The following CCDC102B variants were observed in gnomAD, a reference collection of about 807,000 sequenced individuals.
CCDC102B encodes coiled-coil domain containing 102B.
Under a neutral mutation model 57.4 loss-of-function variants are expected in CCDC102B, and 75 were observed. The ratio of observed to expected loss-of-function variants is 1.31; its 90% confidence interval spans 1.08 to 1.58. CCDC102B has a LOEUF of 1.58. Among genes scored for constraint, CCDC102B ranks in the 40% most tolerant of loss-of-function variants. The pLI, the probability that CCDC102B is intolerant of heterozygous loss-of-function variation, is 0.00. For missense variants in CCDC102B, 636 were observed against 582.6 expected, an observed-to-expected ratio of 1.09 and a Z score of -0.94; for synonymous variants, 206 against 201.9, an observed-to-expected ratio of 1.02 and a Z score of -0.17.
intron 6 of CCDC102B, among the ~76,000 whole-genome samples, chr18:68,942,378 C>G (rs62095029): frequency 0.071 from 10,822 of 151,888 alleles, 515 homozygotes; most frequent in Admixed American, 0.12. Context: ...AAAAGCAGGC[C>G]CAGGGGACCG....
chr18:68,718,549 A>G (rs913422098), intron 2 of CCDC102B, among the ~76,000 whole-genome samples: 1 of 152,250 alleles, frequency 6.6e-6, no homozygotes, highest in Non-Finnish European at 1.5e-5. Flanking sequence ...CACATTGCGA[A>G]AATGTGTTGA....
chr18:69,046,136 A>T (rs2052560682), intron 7 of CCDC102B, among the ~76,000 whole-genome samples: 1 of 152,132 alleles, frequency 6.6e-6, no homozygotes, highest in African/African-American at 2.4e-5. Context: ...TGCTGGGTCA[A>T]ATGGTAATTC....
chr18:69,049,833 G>A (rs1035917031), intron 7 of CCDC102B, among the ~76,000 whole-genome samples: 7 of 150,704 alleles, frequency 4.6e-5, no homozygotes, highest in South Asian at 2.1e-4. Flanking sequence ...TTTTTGAGAC[G>A]GAGTCTCACT....
chr18:68,979,975 T>G (rs529212356), intron 6 of CCDC102B, among the ~76,000 whole-genome samples: 1 of 152,114 alleles, frequency 6.6e-6, no homozygotes, highest in Non-Finnish European at 1.5e-5. Context: ...GGTTTTTGTT[T>G]TGTTTTTTTG....
chr18:68,922,751 A>AT (rs1396634466), intron 6 of CCDC102B, among the ~76,000 whole-genome samples: 4 of 151,956 alleles, frequency 2.6e-5, no homozygotes, highest in Non-Finnish European at 1.5e-5. Flanking sequence ...GTACCCAGAG[A>AT]TTTTGTCCAG....
intron 6 of CCDC102B, among the ~76,000 whole-genome samples, chr18:69,004,397 G>A (rs2051285126): frequency 6.6e-6 from 1 of 152,170 alleles, no homozygotes; most frequent in Non-Finnish European, 1.5e-5. Context: ...AGTTGGGCTA[G>A]GAACAAGTCC....
At chr18:69,025,186 G>A (rs961913318) in intron 7 of CCDC102B, among the ~76,000 whole-genome samples, 1 of 152,040 alleles carries the variant, frequency 6.6e-6, no homozygotes, top group African/African-American at 2.4e-5. Flanking sequence ...GTAACTTAGA[G>A]GAGATTAATA....
intron 6 of CCDC102B, among the ~76,000 whole-genome samples, chr18:69,006,675 T>G (rs2051358330): frequency 6.7e-6 from 1 of 149,690 alleles, no homozygotes; most frequent in Non-Finnish European, 1.5e-5. Context: ...ACTCCTGACC[T>G]CAGGTGATCC....
chr18:68,788,505 T>G (rs371715482), intron 2 of CCDC102B, among the ~76,000 whole-genome samples: 3 of 151,006 alleles, frequency 2.0e-5, no homozygotes, highest in African/African-American at 7.4e-5. Flanking sequence ...TTATGAATCT[T>G]GGTGCTCCTG....
chr18:68,927,424 G>T (rs1322364743), intron 6 of CCDC102B, among the ~76,000 whole-genome samples: 1 of 151,900 alleles, frequency 6.6e-6, no homozygotes, highest in Non-Finnish European at 1.5e-5. Context: ...TTTAGTTTCT[G>T]TCCCGTAGAG....
At chr18:68,763,784 G>GACAAATATTCCTCAATA (rs1599425588) in intron 2 of CCDC102B, among the ~76,000 whole-genome samples, 28 of 148,120 alleles carry the variant, frequency 1.9e-4, no homozygotes, top group East Asian at 9.8e-4. Context: ...CCTCAATACA[G>GACAAATATTCCTCAATA]CAGTAGAACC....
chr18:68,901,068 A>G (rs543726243), intron 6 of CCDC102B, among the ~76,000 whole-genome samples: 4 of 152,186 alleles, frequency 2.6e-5, no homozygotes, highest in Non-Finnish European at 5.9e-5. Flanking sequence ...GCAGGACATT[A>G]TAGAAGCAGA....
In CCDC102B at chr18:68,978,587, G is replaced by A. The variant is rs546842588; in HGVS notation, c.1264-32347G>A. 3.9e-5 allele frequency among the ~76,000 whole-genome samples: 6 copies of A among 151,914 alleles called. No individual in the cohort carries two copies. In the East Asian group the frequency reaches 5.8e-4, roughly 15 times the overall value. On this transcript the variant is annotated intron_variant, in intron 6 of 7. Transcript: ENST00000360242. ...CCATTGAACACAAAAGGAAACAATCGTAAACATAAATATTTCCCCCAAATA... is the reference window on the plus strand; with the variant it reads ...CCATTGAACACAAAAGGAAACAATCATAAACATAAATATTTCCCCCAAATA...
upstream of CCDC102B, among the ~76,000 whole-genome samples, chr18:68,793,854 C>A (rs995718158): frequency 6.6e-6 from 1 of 152,086 alleles, no homozygotes; most frequent in Non-Finnish European, 1.5e-5. Flanking sequence ...GTAGCGTTAA[C>A]TTTTTCTATT....
intron 6 of CCDC102B, among the ~76,000 whole-genome samples, chr18:68,920,724 G>A (rs2041248419): frequency 6.6e-6 from 1 of 152,158 alleles, no homozygotes; most frequent in Non-Finnish European, 1.5e-5. Flanking sequence ...TTCTCACAGG[G>A]CAGCAGGACA....
intron 6 of CCDC102B, among the ~76,000 whole-genome samples, chr18:68,954,877 A>G (rs146399254): frequency 2.6e-5 from 4 of 152,290 alleles, no homozygotes; most frequent in Admixed American, 6.5e-5. Flanking sequence ...GTACTTTTCA[A>G]TATGAAAACA....
intron 6 of CCDC102B, among the ~76,000 whole-genome samples, chr18:69,005,115 T>C (rs1402296528): frequency 6.6e-6 from 1 of 152,204 alleles, no homozygotes; most frequent in Non-Finnish European, 1.5e-5. Flanking sequence ...ATAATGTGTT[T>C]AACTTGAGTG....
At chr18:68,880,225 GC>G (rs1047723120) in intron 5 of CCDC102B, among the ~76,000 whole-genome samples, 15 of 152,242 alleles carry the variant, frequency 9.9e-5, no homozygotes, top group Admixed American at 7.2e-4. Flanking sequence ...ACCCTCCACA[GC>G]CACTGGCCCA....
intron 2 of CCDC102B, among the ~76,000 whole-genome samples, chr18:68,773,859 A>G (rs2034723606): frequency 6.6e-6 from 1 of 152,062 alleles, no homozygotes; most frequent in African/African-American, 2.4e-5. Flanking sequence ...ACACCATGAA[A>G]TAGTCAAATA....
Sources: gnomAD v4.1 joint callset for allele counts (sites outside exome capture counted in the v4.1 genomes callset) on GRCh38, gnomAD v4.1.1 for gene constraint, MANE v1.5 for transcripts, NCBI Gene and HGNC (gene_info 2026-07-23, HGNC 2026-07-21) for gene names.